Variants in NWD2 observed in about 807,000 individuals in gnomAD.
NWD2 encodes NACHT and WD repeat domain containing 2.
NWD2 carries 37 observed loss-of-function variants against 132.7 expected under a neutral mutation model. The observed-to-expected ratio is 0.28, with a 90% CI of 0.21 to 0.37. NWD2 has a LOEUF of 0.37. Among genes scored for constraint, NWD2 ranks in the 10% least tolerant of loss-of-function variants. The probability of loss-of-function intolerance (pLI) is 1.00; values close to 1 mark genes in which losing one functional copy is unlikely to be tolerated. For missense variants in NWD2, 1,592 were observed against 2,122.4 expected (o/e 0.75, Z 4.91); for synonymous variants, 705 against 803.0 (o/e 0.88, Z 2.06).
At chr4:37,320,537 G>A (rs1345229343) in intron 1 of NWD2, among the ~76,000 whole-genome samples, 1 of 147,662 alleles carries the variant, frequency 6.8e-6, no homozygotes, top group Non-Finnish European at 1.5e-5. Flanking sequence ...AATTTAAAAA[G>A]TGTTTATGAC....
At chr4:37,438,686 C>A in intron 5 of NWD2, 115 bp from the exon 6 acceptor site, 2 of 714,274 alleles carry the variant, frequency 2.8e-6, no homozygotes, top group East Asian at 2.7e-5. Context: ...GATTACTTCG[C>A]TACAAACCAT....
chr4:37,380,762 C>T (rs949493223), intron 3 of NWD2, among the ~76,000 whole-genome samples: 3 of 152,140 alleles, frequency 2.0e-5, no homozygotes, highest in Non-Finnish European at 4.4e-5. Context: ...CTTAAGTACT[C>T]ACAGCTAGCA....
intron 1 of NWD2, among the ~76,000 whole-genome samples, chr4:37,274,842 C>T (rs6846818): frequency 0.095 from 14,415 of 152,030 alleles, 743 homozygotes; most frequent in African/African-American, 0.1. Context: ...ACATGATTAT[C>T]TCAATAGATG....
At chr4:37,393,780 C>G (rs553427074) in intron 3 of NWD2, among the ~76,000 whole-genome samples, 1 of 152,192 alleles carries the variant, frequency 6.6e-6, no homozygotes, top group Non-Finnish European at 1.5e-5. Context: ...AACTTAACAT[C>G]CCTCTCTCCT....
chr4:37,445,206 C>A lies in NWD2; in HGVS notation c.3218C>A (p.Ala1073Glu). 6.4e-7 allele frequency: 1 copy of A among 1,551,966 alleles called. No homozygotes were observed. The highest frequency in any genetic ancestry group is 2.0e-5 in the Admixed American group (1 of 51,014). Reference sequence around the variant, plus strand: ...ACACTGTCCGCCAACCACGCCCTTGCATGGCTCGAAGCCAGCAAAGATGTC... The same window carrying A: ...ACACTGTCCGCCAACCACGCCCTTGAATGGCTCGAAGCCAGCAAAGATGTC... ...GFTLSANHAL[A>E]WLEASKDVTV... The change falls in exon 7 of 7, where the codon GCA becomes GAA. Residue 1073 changes from alanine (A) to glutamate (E), a missense_variant. Coordinates refer to ENST00000309447, the MANE Select transcript of NWD2 (RefSeq NM_001144990.2). This position sits in a 1 kb window ranked among gnomAD's most constrained non-coding sequence, Gnocchi z 4.7.
At chr4:37,403,083 T>C (rs964698651) in intron 3 of NWD2, among the ~76,000 whole-genome samples, 1 of 152,090 alleles carries the variant, frequency 6.6e-6, no homozygotes, top group African/African-American at 2.4e-5. Flanking sequence ...AGAAAAGGTG[T>C]GGAGAAGATT....
chr4:37,360,478 T>A (rs925285093), intron 3 of NWD2, among the ~76,000 whole-genome samples: 2 of 152,180 alleles, frequency 1.3e-5, no homozygotes, highest in East Asian at 1.9e-4. Flanking sequence ...ACATATATAT[T>A]TTGTTTTTCT....
At chr4:37,337,740 C>T (rs1414521465) in intron 2 of NWD2, among the ~76,000 whole-genome samples, 1 of 152,208 alleles carries the variant, frequency 6.6e-6, no homozygotes, top group East Asian at 1.9e-4. Context: ...CATGAGTAAT[C>T]TTTGCATCAA....
At chr4:37,408,802 C>T (rs367691222) in intron 3 of NWD2, among the ~76,000 whole-genome samples, 2 of 152,196 alleles carry the variant, frequency 1.3e-5, no homozygotes, top group East Asian at 1.9e-4. Context: ...CTGGCAGGTG[C>T]CCCTCTGGGA....
intron 1 of NWD2, 149 bp from the exon 2 acceptor site, chr4:37,325,787 C>G: frequency 1.8e-6 from 1 of 565,488 alleles, no homozygotes; most frequent in East Asian, 3.1e-5. Context: ...GGCAGGTCTA[C>G]ACCAACAGCC....
At chr4:37,316,153 G>T (rs971505181) in intron 1 of NWD2, among the ~76,000 whole-genome samples, 2 of 151,914 alleles carry the variant, frequency 1.3e-5, no homozygotes, top group African/African-American at 4.8e-5. Flanking sequence ...AATTTCTTTA[G>T]TATAGTCTAT....
Position 37,345,492 on chromosome 4 carries a change from G to A in NWD2, c.241-10874G>A, listed in dbSNP as rs80019610. Among the ~76,000 whole-genome samples, 745 of 152,132 alleles carry A rather than the reference G, an allele frequency of 4.9e-3. 9 individuals are homozygous for A. The highest frequency in any genetic ancestry group is 0.017 in the African/African-American group (695 of 41,494). On this transcript the variant is annotated intron_variant, in intron 2 of 6. Transcript: ENST00000309447. The stretch of plus-strand genomic sequence containing the variant: ...AAGCATCTTTTTATGTTGGAAATTT[G>A]TATATATTCTGTGAAGAAATGTCTA...
chr4:37,340,857 C>A (rs942773451), intron 2 of NWD2, among the ~76,000 whole-genome samples: 1 of 152,196 alleles, frequency 6.6e-6, no homozygotes, highest in Non-Finnish European at 1.5e-5. Context: ...TTACCTTCTT[C>A]ATTTTATTAG....
Position 37,447,030 on chromosome 4 carries a change from G to A in NWD2, c.5042G>A (p.Cys1681Tyr). The A allele has an allele frequency of 1.3e-6, 2 of 1,551,668 alleles. No individual in the cohort carries two copies. Among genetic ancestry groups the A allele is most frequent in the Non-Finnish European group, 1.7e-6 (2 of 1,146,976 alleles). Reference protein sequence around the residue: ...HTSRPKCNSYCFKISVDCLWR... With the variant: ...HTSRPKCNSYYFKISVDCLWR... The stretch of plus-strand genomic sequence containing the variant: ...TCCAGGCCAAAGTGTAACAGTTATT[G>A]TTTTAAAATATCTGTGGATTGCTTA... The change falls in exon 7 of 7, where the codon TGT (cysteine) becomes TAT (tyrosine). Residue 1681 changes from cysteine to tyrosine, a missense_variant. Coordinates refer to ENST00000309447, the MANE Select transcript of NWD2 (RefSeq NM_001144990.2).
Position 37,433,879 on chromosome 4 carries a change from C to T in NWD2, c.565C>T (p.Gln189Ter). The T allele has an allele frequency of 6.5e-7, 1 of 1,534,260 alleles. No homozygotes were observed. The highest frequency in any genetic ancestry group is 8.8e-7 in the Non-Finnish European group (1 of 1,139,106). The stretch of plus-strand genomic sequence containing the variant: ...TCTCCCTTTTACATTTCTATAGATG[C>T]AGCCTTCTACCAATGCTGAAAACGA... ...EMLRSNRNAM[Q>*]PSTNAENEKT... Residue 189 changes from glutamine to a stop codon, truncating the protein, a stop_gained, in exon 5 of 7, where the codon CAG becomes TAG. Coordinates refer to ENST00000309447, the MANE Select transcript of NWD2 (RefSeq NM_001144990.2). LOFTEE classifies it high-confidence loss of function.
intron 2 of NWD2, among the ~76,000 whole-genome samples, chr4:37,347,956 A>G (rs4370144): frequency 0.95 from 145,015 of 152,300 alleles, 69,443 homozygotes; most frequent in East Asian, 1. Flanking sequence ...TTATTTTGAT[A>G]AGTTATTGGC....
chr4:37,328,526 A>T (rs189633404), intron 2 of NWD2, among the ~76,000 whole-genome samples: 14 of 152,174 alleles, frequency 9.2e-5, no homozygotes, highest in Admixed American at 2.6e-4. Flanking sequence ...TAGTTTGCTG[A>T]GAATGATGGT....
intron 3 of NWD2, among the ~76,000 whole-genome samples, chr4:37,379,785 G>A (rs1471105990): frequency 6.6e-6 from 1 of 152,192 alleles, no homozygotes; most frequent in Non-Finnish European, 1.5e-5. Context: ...ACTGTTCTTA[G>A]TAGGGGACAG....
Position 37,443,186 on chromosome 4 carries a change from A to G in NWD2, c.1297-99A>G, listed in dbSNP as rs1455356931. On this transcript the variant is annotated intron_variant, in intron 6 of 6. Coordinates refer to ENST00000309447, the MANE Select transcript of NWD2 (RefSeq NM_001144990.2). This position sits in a 1 kb window ranked among gnomAD's most constrained non-coding sequence, Gnocchi z 4.1. ...GGTCCTAAGCTATTTCCTGCACAGC[A>G]GAGGAGACCAGAAATCTGAGCTCTG... 9.4e-7 allele frequency: 1 copy of G among 1,064,402 alleles called. No individual in the cohort carries two copies. The highest frequency in any genetic ancestry group is 1.3e-6 in the Non-Finnish European group (1 of 752,252). 65.9% of individuals were successfully genotyped at this position (1,064,402 alleles called of 1,614,324 possible).
Sources: allele counts gnomAD v4.1 joint callset (sites outside exome capture counted in the v4.1 genomes callset), GRCh38; gene constraint gnomAD v4.1.1; non-coding constraint Gnocchi (gnomAD v3.1); transcripts MANE v1.5; gene names NCBI Gene and HGNC (gene_info 2026-07-23, HGNC 2026-07-21).